The following CELF4 variants were observed in gnomAD, a reference collection of about 807,000 sequenced individuals.
CELF4 encodes CUGBP Elav-like family member 4.
In CELF4, 18 loss-of-function variants were observed where a neutral mutation model predicts 59.9. The ratio of observed to expected loss-of-function variants is 0.30; its 90% CI spans 0.21 to 0.45. The LOEUF (loss-of-function observed/expected upper bound fraction) is 0.45. CELF4 is among the 20% of genes least tolerant of loss of function. CELF4 has a pLI of 1.00. For synonymous variants in CELF4, 261 were observed against 267.1 expected, an observed-to-expected ratio of 0.98 and a Z score of 0.22; for missense variants, 456 against 689.0, an observed-to-expected ratio of 0.66 and a Z score of 3.79.
intron 2 of CELF4, among the ~76,000 whole-genome samples, chr18:37,371,208 T>C (rs971216143): frequency 3.3e-5 from 5 of 152,236 alleles, no homozygotes; most frequent in African/African-American, 1.2e-4. Context: ...TGCACCATTT[T>C]TCTCAGCTTT....
At position 37,400,150 on chromosome 18, in the gene CELF4, CAAAA is replaced by C. The variant is rs1461874813; in HGVS notation, c.370-78273_370-78270del. 3.3e-5 allele frequency among the ~76,000 whole-genome samples: 5 copies of C among 152,152 alleles called. No individual in the cohort carries two copies. In the East Asian group the frequency reaches 9.6e-4, roughly 29 times the overall value. ...CCAATCAGTTGAAAGGCCTTAAAAG[CAAAA>C]CTGAGGTTTCTTTGAGGAAGAAGAA... On this transcript the variant is annotated intron_variant, in intron 2 of 12. Transcript: ENST00000420428.
intron 10 of CELF4, among the ~76,000 whole-genome samples, chr18:37,262,057 A>G (rs1032331630): frequency 2.0e-5 from 3 of 151,598 alleles, no homozygotes; most frequent in African/African-American, 4.9e-5. Context: ...CTCACCTTGG[A>G]CTCTGCAGCA....
At chr18:37,504,317 C>G (rs952156881) in intron 1 of CELF4, among the ~76,000 whole-genome samples, 1 of 151,986 alleles carries the variant, frequency 6.6e-6, no homozygotes, top group African/African-American at 2.4e-5. Context: ...ATGGTGAAAC[C>G]CCGTCTCTAC....
At chr18:37,272,572 GA>G (rs397692958) in intron 7 of CELF4, among the ~76,000 whole-genome samples, 29,844 of 104,740 alleles carry the variant, frequency 0.28, 3,416 homozygotes, top group East Asian at 0.51. Flanking sequence ...AAAGGGAAAT[GA>G]AAAAAAAAAA....
intron 2 of CELF4, among the ~76,000 whole-genome samples, chr18:37,356,215 C>T (rs1286564867): frequency 6.6e-6 from 1 of 152,202 alleles, no homozygotes; most frequent in Admixed American, 6.5e-5. Context: ...TGAGTTTTTG[C>T]TTTTTAATAA....
At chr18:37,475,006 C>T (rs149832187) in intron 2 of CELF4, among the ~76,000 whole-genome samples, 1 of 152,232 alleles carries the variant, frequency 6.6e-6, no homozygotes, top group Non-Finnish European at 1.5e-5. Context: ...TGCATGAATA[C>T]CCCAGTTCTC....
chr18:37,490,561 C>T (rs1273991388), intron 1 of CELF4, among the ~76,000 whole-genome samples: 1 of 151,796 alleles, frequency 6.6e-6, no homozygotes. Flanking sequence ...GGCTGTGGCC[C>T]TGCCTCAAAG....
chr18:37,343,329 CTGTGTGTGTGTGTGTGTGTGTGTG>C (rs5824051), intron 2 of CELF4, among the ~76,000 whole-genome samples: 1 of 126,956 alleles, frequency 7.9e-6, no homozygotes, highest in Non-Finnish European at 1.6e-5. Flanking sequence ...GGTGTTGATT[CTGTGTGTGTGTGTGTGTGTGTGTG>C]TGTGTGTGTG....
chr18:37,388,898 C>T (rs951018815), intron 2 of CELF4, among the ~76,000 whole-genome samples: 1 of 152,174 alleles, frequency 6.6e-6, no homozygotes, highest in African/African-American at 2.4e-5. Context: ...TGGGCCATGT[C>T]ATCCATCGGT....
intron 1 of CELF4, among the ~76,000 whole-genome samples, chr18:37,555,975 T>G (rs2099984675): frequency 6.6e-6 from 1 of 152,184 alleles, no homozygotes; most frequent in Non-Finnish European, 1.5e-5. Context: ...TGAGTGTGTG[T>G]GTGTGAGTCT....
rs559370308 is a variant in CELF4, at chr18:37,497,863, A to G, written c.287-12256T>C. Among the ~76,000 whole-genome samples, 23 of 152,320 alleles carry G rather than the reference A, an allele frequency of 1.5e-4. 1 individual carries two copies. The South Asian group carries it at 3.5e-3, about 23-fold the overall frequency. On this transcript the variant is annotated intron_variant, in intron 1 of 12. Transcript: ENST00000420428. ...GTTTCGACTCATTTAATGTAAGTCT[A>G]TAAAATAGACTTATCATCCCCATTT...
At chr18:37,446,392 G>A (rs927722956) in intron 2 of CELF4, among the ~76,000 whole-genome samples, 2 of 152,136 alleles carry the variant, frequency 1.3e-5, no homozygotes, top group African/African-American at 4.8e-5. Context: ...CTCAACTGGG[G>A]GTGCTGTTGG....
chr18:37,378,386 T>C (rs1381383088), intron 2 of CELF4, among the ~76,000 whole-genome samples: 2 of 151,790 alleles, frequency 1.3e-5, no homozygotes, highest in East Asian at 2.0e-4. Context: ...GAGAGGGCCA[T>C]AGGGGTGGCC....
In CELF4 at chr18:37,421,119, G is replaced by A. The variant is rs187257906; in HGVS notation, c.369+64406C>T. Among the ~76,000 whole-genome samples the A allele has an allele frequency of 6.6e-5, 10 of 152,230 alleles. No individual in the cohort carries two copies. In the East Asian group the frequency reaches 7.7e-4, roughly 12 times the overall value. On this transcript the variant is annotated intron_variant, in intron 2 of 12. Coordinates refer to ENST00000420428, the MANE Select transcript of CELF4 (RefSeq NM_020180.4). ...CATCCCCTCCCCAACATCCCTCTCCGGGCATAGGCCCATTCACATACTGCC... is the reference window on the plus strand; with the variant it reads ...CATCCCCTCCCCAACATCCCTCTCCAGGCATAGGCCCATTCACATACTGCC...
intron 1 of CELF4, among the ~76,000 whole-genome samples, chr18:37,516,491 C>G (rs1013673298): frequency 1.3e-5 from 2 of 152,216 alleles, no homozygotes; most frequent in Non-Finnish European, 2.9e-5. Context: ...CACAGACTGA[C>G]CGTTATCTCC....
intron 2 of CELF4, among the ~76,000 whole-genome samples, chr18:37,466,382 G>C (rs1334742888): frequency 1.3e-5 from 2 of 151,540 alleles, no homozygotes; most frequent in African/African-American, 4.9e-5. Context: ...AAGGAAAAAT[G>C]GAACTGTGGT....
chr18:37,315,548 G>A (rs1569559555), intron 3 of CELF4, among the ~76,000 whole-genome samples: 1 of 152,192 alleles, frequency 6.6e-6, no homozygotes, highest in Non-Finnish European at 1.5e-5. Context: ...CCATCACACT[G>A]GGGTTTAGCC....
intron 2 of CELF4, among the ~76,000 whole-genome samples, chr18:37,355,783 G>A (rs922225251): frequency 2.0e-5 from 3 of 152,184 alleles, no homozygotes; most frequent in African/African-American, 4.8e-5. Flanking sequence ...TGGAGGAGGT[G>A]GTTTCTGAGA....
At chr18:37,287,242 C>T (rs774381400) in intron 3 of CELF4, among the ~76,000 whole-genome samples, 21 of 152,176 alleles carry the variant, frequency 1.4e-4, no homozygotes, top group African/African-American at 4.6e-4. Flanking sequence ...GGAAGGGATG[C>T]AATGGGATTG....
Sources: allele counts gnomAD v4.1 joint callset (sites outside exome capture counted in the v4.1 genomes callset), GRCh38; gene constraint gnomAD v4.1.1; transcripts MANE v1.5; gene names NCBI Gene and HGNC (gene_info 2026-07-23, HGNC 2026-07-21).